The following DMXL2 variants were observed in gnomAD, a reference collection of about 807,000 sequenced individuals.
The protein encoded by DMXL2 is Dmx like 2, also known as dmX-like protein 2.
Under a neutral mutation model 331.1 loss-of-function variants are expected in DMXL2, and 103 were observed. That is an observed-to-expected ratio of 0.31 (90% CI 0.27 to 0.37). DMXL2 has a LOEUF of 0.37. Among genes scored for constraint, DMXL2 ranks in the 10% least tolerant of loss-of-function variants. The pLI, the probability that DMXL2 is intolerant of heterozygous loss-of-function variation, is 1.00. For synonymous variants in DMXL2, 1,281 were observed against 1,252.1 expected (o/e 1.02, Z -0.49); for missense variants, 3,171 against 3,642.9 (o/e 0.87, Z 3.33).
intron 13 of DMXL2, among the ~76,000 whole-genome samples, chr15:51,529,051 T>C (rs934565628): frequency 1.3e-5 from 2 of 152,106 alleles, no homozygotes; most frequent in African/African-American, 4.8e-5. Flanking sequence ...GAAAAATTTC[T>C]TGAAACAAAT....
At chr15:51,522,432 G>A (rs2047429500) in intron 13 of DMXL2, among the ~76,000 whole-genome samples, 1 of 152,142 alleles carries the variant, frequency 6.6e-6, no homozygotes, top group South Asian at 2.1e-4. Flanking sequence ...CTCACTTGAG[G>A]TCAGCAGTTC....
chr15:51,514,514 T>C lies in DMXL2; in HGVS notation c.2572A>G (p.Ile858Val). 2 of 1,598,188 alleles carry C rather than the reference T, an allele frequency of 1.3e-6. No individual in the cohort carries two copies. The highest frequency in any genetic ancestry group is 1.7e-6 in the Non-Finnish European group (2 of 1,173,094). ...QLLHVFQEDF[I>V]IGYKPHKEDM... Reference sequence around the variant, plus strand: ...TCCTTATGTGGTTTATATCCTATAATGAAGTCTTCTTGAAACACATGAAGC... The same window carrying C: ...TCCTTATGTGGTTTATATCCTATAACGAAGTCTTCTTGAAACACATGAAGC... Residue 858 changes from isoleucine (I) to valine (V), a missense_variant, in exon 15 of 44, where the codon ATT becomes GTT. Ile to Val is a conservative substitution (Grantham distance 29, BLOSUM62 3). Coordinates refer to ENST00000560891, the MANE Select transcript of DMXL2 (RefSeq NM_001378457.1).
intron 1 of DMXL2, among the ~76,000 whole-genome samples, chr15:51,585,435 C>T (rs779281441): frequency 6.6e-6 from 1 of 152,120 alleles, no homozygotes. Flanking sequence ...TTCTTAATAG[C>T]TGCACAGTAT....
chr15:51,515,575 G>C (rs537598608), intron 14 of DMXL2, among the ~76,000 whole-genome samples: 1 of 152,288 alleles, frequency 6.6e-6, no homozygotes, highest in African/African-American at 2.4e-5. Flanking sequence ...TGAAAGTAAA[G>C]AGAAGGGTGA....
chr15:51,449,576 C>G (rs1014474328), intron 43 of DMXL2, among the ~76,000 whole-genome samples: 4 of 152,222 alleles, frequency 2.6e-5, no homozygotes, highest in Admixed American at 2.6e-4. Context: ...GACTTTATGA[C>G]AGTGTGAAAG....
intron 1 of DMXL2, among the ~76,000 whole-genome samples, chr15:51,580,664 A>T (rs2051347599): frequency 6.6e-6 from 1 of 152,194 alleles, no homozygotes; most frequent in African/African-American, 2.4e-5. Flanking sequence ...TCTTAGAAAA[A>T]TTGCTTTCCT....
intron 40 of DMXL2, among the ~76,000 whole-genome samples, chr15:51,454,894 T>C (rs939839213): frequency 1.3e-5 from 2 of 152,132 alleles, no homozygotes; most frequent in African/African-American, 4.8e-5. Flanking sequence ...AAAACCCAAG[T>C]TGTACCACAC....
At chr15:51,576,974 C>A (rs1299270853) in intron 1 of DMXL2, among the ~76,000 whole-genome samples, 1 of 152,194 alleles carries the variant, frequency 6.6e-6, no homozygotes, top group Non-Finnish European at 1.5e-5. Context: ...TAAAACCACA[C>A]ATTTCTTCCT....
chr15:51,487,886 C>A, intron 22 of DMXL2, 68 bp downstream of exon 22: 2 of 1,322,990 alleles, frequency 1.5e-6, no homozygotes, highest in Admixed American at 2.7e-5. Flanking sequence ...AAGTTACAAT[C>A]TCCTCTACAA....
chr15:51,596,280 C>G (rs1355761208), intron 1 of DMXL2, among the ~76,000 whole-genome samples: 2 of 152,084 alleles, frequency 1.3e-5, no homozygotes, highest in African/African-American at 2.4e-5. Context: ...AGACACTTCT[C>G]AAAAGAAGAC....
Position 51,490,232 on chromosome 15 carries a change from T to C in DMXL2, c.4953+1346A>G, listed in dbSNP as rs183390237. Among the ~76,000 whole-genome samples, 645 of 152,352 alleles carry C rather than the reference T, an allele frequency of 4.2e-3. 6 individuals are homozygous for C. Among genetic ancestry groups the C allele is most frequent in the African/African-American group, 0.015 (609 of 41,580 alleles). On this transcript the variant is annotated intron_variant, in intron 20 of 43. Transcript: ENST00000560891. ...ATACTTTTATACTCACATTTAAAAC[T>C]GTGATCTGAGAACCATGCACACCAG...
intron 15 of DMXL2, among the ~76,000 whole-genome samples, chr15:51,509,649 C>T (rs1461383646): frequency 3.3e-5 from 5 of 152,198 alleles, no homozygotes; most frequent in Non-Finnish European, 7.3e-5. Context: ...TGGTACCATT[C>T]CTTCTGAAAC....
At chr15:51,598,135 A>G (rs1011898705) in intron 1 of DMXL2, among the ~76,000 whole-genome samples, 8 of 152,058 alleles carry the variant, frequency 5.3e-5, no homozygotes, top group Admixed American at 5.2e-4. Flanking sequence ...TCTATCATTA[A>G]TCTCCTTTTA....
rs2046926352 is a variant in DMXL2 at position 51,514,560 on chromosome 15, C to T, written c.2527-1G>A. On this transcript the variant is annotated splice_acceptor_variant, in intron 14 of 43. Coordinates refer to ENST00000560891, the MANE Select transcript of DMXL2 (RefSeq NM_001378457.1). LOFTEE classifies it high-confidence loss of function. ...GAAGCAACTGTGTATTTGAGCCACA[C>T]TACAAATACAAAAAAAAATGAAGAG... The T allele has an allele frequency of 6.5e-7, 1 of 1,547,156 alleles. No individual in the cohort carries two copies. The highest frequency in any genetic ancestry group is 1.9e-5 in the Admixed American group (1 of 52,866).
chr15:51,581,590 G>A (rs1043512677), intron 1 of DMXL2, among the ~76,000 whole-genome samples: 1 of 152,116 alleles, frequency 6.6e-6, no homozygotes, highest in Non-Finnish European at 1.5e-5. Flanking sequence ...ATATATAATT[G>A]TCTTAACTAC....
chr15:51,554,515 CT>C (rs1415831963), intron 6 of DMXL2, among the ~76,000 whole-genome samples: 1 of 152,174 alleles, frequency 6.6e-6, no homozygotes, highest in African/African-American at 2.4e-5. Flanking sequence ...CAAGTGTACC[CT>C]TCATGAGATA....
At chr15:51,517,557 T>C (rs1488934698) in intron 13 of DMXL2, among the ~76,000 whole-genome samples, 1 of 152,210 alleles carries the variant, frequency 6.6e-6, no homozygotes, top group Non-Finnish European at 1.5e-5. Context: ...GGGACTCTTG[T>C]GCCTTGGGAT....
intron 13 of DMXL2, among the ~76,000 whole-genome samples, chr15:51,529,067 T>C (rs140470534): frequency 6.6e-6 from 1 of 152,152 alleles, no homozygotes; most frequent in East Asian, 1.9e-4. Flanking sequence ...CAAATGATAA[T>C]GAAAACATGA....
chr15:51,605,083 C>A (rs996833630), intron 1 of DMXL2, among the ~76,000 whole-genome samples: 1 of 151,770 alleles, frequency 6.6e-6, no homozygotes, highest in Non-Finnish European at 1.5e-5. Context: ...AAAATTAACT[C>A]AAAATGAATC....
Sources: gnomAD v4.1 joint callset for allele counts (sites outside exome capture counted in the v4.1 genomes callset) on GRCh38, gnomAD v4.1.1 for gene constraint, MANE v1.5 for transcripts, NCBI Gene and HGNC (gene_info 2026-07-23, HGNC 2026-07-21) for gene names.